ABCC10: variants seen among roughly 807,000 people sequenced by gnomAD.
ABCC10 encodes the protein ATP binding cassette subfamily C member 10, also known as ATP-binding cassette sub-family C member 10.
A neutral mutation model predicts 143.2 loss-of-function variants in ABCC10; 110 were observed. That is an observed-to-expected ratio of 0.77 (90% CI 0.66 to 0.90). The LOEUF is 0.90. ABCC10 is among the 40% of genes least tolerant of loss of function. ABCC10 has a pLI of 0.00. For missense variants in ABCC10, 1,700 were observed against 1,900.5 expected, an observed-to-expected ratio of 0.89 and a Z score of 1.96; for synonymous variants, 805 against 846.7, an observed-to-expected ratio of 0.95 and a Z score of 0.85.
chr6:43,432,671 C>T lies in ABCC10; in HGVS notation c.691C>T (p.Pro231Ser), dbSNP rs139742302. 2.5e-6 allele frequency: 4 copies of T among 1,614,018 alleles called. No individual in the cohort carries two copies. Among genetic ancestry groups the T allele is most frequent in the South Asian group, 1.1e-5 (1 of 91,088 alleles). ...LSRFSYAWLA[P>S]LLARGACGEL... The stretch of plus-strand genomic sequence containing the variant: ...ACGCTTTTCCTATGCCTGGCTGGCA[C>T]CCTTGCTGGCCCGTGGGGCCTGTGG... The change falls in exon 3 of 22, where the codon CCC becomes TCC. Residue 231 changes from proline to serine, a missense_variant. By Grantham distance (74) the Pro-to-Ser change is moderately conservative (BLOSUM62 -1). Transcript: ENST00000372530.
At position 43,434,726 on chromosome 6, in the gene ABCC10, C is replaced by A; in HGVS notation, c.1486C>A (p.Leu496Ile). The A allele has an allele frequency of 1.9e-6, 3 of 1,614,196 alleles. No homozygotes were observed. Among genetic ancestry groups the A allele is most frequent in the Non-Finnish European group, 2.5e-6 (3 of 1,180,030 alleles). The change falls in exon 4 of 22, where the codon CTC (leucine) becomes ATC (isoleucine). Residue 496 changes from leucine to isoleucine, a missense_variant. Physicochemically the swap from Leu to Ile is conservative, Grantham distance 5. Transcript: ENST00000372530. ...CTGCCGGGCTCGAGAGCTGGGGCGACTCCGGGTCATCAAATACCTGGATGC... is the reference window on the plus strand; with the variant it reads ...CTGCCGGGCTCGAGAGCTGGGGCGAATCCGGGTCATCAAATACCTGGATGC... ...EACRARELGR[L>I]RVIKYLDAAC...
chr6:43,444,654 C>T, intron 12 of ABCC10, 134 bp from the exon 13 acceptor site: 1 of 1,291,216 alleles, frequency 7.7e-7, no homozygotes, highest in Non-Finnish European at 1.1e-6. Flanking sequence ...GGGGTAGTGG[C>T]AGGGTGGGGA....
intron 18 of ABCC10, 174 bp downstream of exon 18, chr6:43,448,111 A>G (rs912461107): frequency 2.9e-6 from 3 of 1,018,868 alleles, no homozygotes; most frequent in Non-Finnish European, 4.4e-6. Flanking sequence ...GCCCAGGTCC[A>G]GATTCATGGC....
chr6:43,433,098 G>A lies in ABCC10; in HGVS notation c.1118G>A (p.Ser373Asn), dbSNP rs757500577. 2 of 1,614,132 alleles carry A rather than the reference G, an allele frequency of 1.2e-6. No homozygotes were observed. Among genetic ancestry groups the A allele is most frequent in the Non-Finnish European group, 1.7e-6 (2 of 1,179,992 alleles). ...TGCAAGGCTTTACAGCTGGGGCCCA[G>A]CCGCCCTCCTACTGGGGAGGCCCTG... Reference protein sequence around the residue: ...LYCKALQLGPSRPPTGEALNL... With the variant: ...LYCKALQLGPNRPPTGEALNL... The change falls in exon 3 of 22, where the codon AGC becomes AAC. Residue 373 changes from serine to asparagine, a missense_variant. Coordinates refer to ENST00000372530, the MANE Select transcript of ABCC10 (RefSeq NM_001198934.2).
At chr6:43,441,163 T>C (rs1782413612) in intron 8 of ABCC10, among the ~76,000 whole-genome samples, 1 of 152,060 alleles carries the variant, frequency 6.6e-6, no homozygotes, top group Non-Finnish European at 1.5e-5. Context: ...CAAGATACCT[T>C]ACTACCTTGC....
chr6:43,431,888 G>T, intron 2 of ABCC10: 1 of 1,350,520 alleles, frequency 7.4e-7, no homozygotes, highest in Non-Finnish European at 9.5e-7. Context: ...ATCAGAAATG[G>T]TGTGGGTAGT....
At chr6:43,447,093 G>C in intron 16 of ABCC10, 155 bp from the exon 17 acceptor site, 2 of 1,030,410 alleles carry the variant, frequency 1.9e-6, no homozygotes, top group Non-Finnish European at 2.8e-6. Context: ...TGATCCACCT[G>C]CCTTGGCCTC....
Position 43,432,793 on chromosome 6 carries a change from A to G in ABCC10, c.813A>G (p.Ala271=). Residue 271 remains alanine, a synonymous_variant, in exon 3 of 22, where the codon GCA becomes GCG. Transcript: ENST00000372530. ...TCCAGGCACACTGGCAGGAGGGGGCACGGCTGTGGAGGGCCTTGTATGGGG... is the reference window on the plus strand; with the variant it reads ...TCCAGGCACACTGGCAGGAGGGGGCGCGGCTGTGGAGGGCCTTGTATGGGG... ...RVFQAHWQEG[A]RLWRALYGAF... 1 of 1,614,158 alleles carries G rather than the reference A, an allele frequency of 6.2e-7. No individual in the cohort carries two copies. Among genetic ancestry groups the G allele is most frequent in the Non-Finnish European group, 8.5e-7 (1 of 1,180,016 alleles).
intron 8 of ABCC10, among the ~76,000 whole-genome samples, chr6:43,440,326 A>G (rs1782259088): frequency 6.6e-6 from 1 of 152,208 alleles, no homozygotes; most frequent in African/African-American, 2.4e-5. Flanking sequence ...GGAATGGGCT[A>G]CTAAGCAAAG....
intron 2 of ABCC10, among the ~76,000 whole-genome samples, chr6:43,429,043 A>G (rs963556460): frequency 2.0e-5 from 3 of 152,218 alleles, no homozygotes; most frequent in African/African-American, 7.2e-5. Context: ...GGAAAGCAAG[A>G]AAGACCATCA....
rs75976509 is a variant in ABCC10, at chr6:43,443,197, G to C, written c.2416+38G>C. The C allele has an allele frequency of 7.3e-4, 1,129 of 1,540,118 alleles. 5 individuals carry two copies. In the East Asian group the frequency reaches 0.018, roughly 24 times the overall value. The stretch of plus-strand genomic sequence containing the variant: ...GGAGCCCCGTGTGAGGGAGGTGTCT[G>C]CCCAGGTCTGGCAGGGGATTGTGAA... On this transcript the variant is annotated intron_variant, in intron 10 of 21. Transcript: ENST00000372530. The surrounding 1 kb of genome is among the most constrained non-coding windows in gnomAD (Gnocchi z 4.2).
intron 6 of ABCC10, among the ~76,000 whole-genome samples, chr6:43,436,648 G>C (rs1222490946): frequency 6.6e-6 from 1 of 152,196 alleles, no homozygotes; most frequent in African/African-American, 2.4e-5. Flanking sequence ...GTTTAGGCTG[G>C]TGAAAAGCAA....
intron 6 of ABCC10, 23 bp downstream of exon 6, chr6:43,436,270 G>T (rs752483300): frequency 5.2e-5 from 83 of 1,611,062 alleles, no homozygotes; most frequent in Non-Finnish European, 6.7e-5. Flanking sequence ...GACACCCTGG[G>T]AGAGTCCTCA....
chr6:43,440,990 C>G (rs1782384286), intron 8 of ABCC10, among the ~76,000 whole-genome samples: 1 of 151,752 alleles, frequency 6.6e-6, no homozygotes, highest in Admixed American at 6.6e-5. Context: ...GTAGTCCTAG[C>G]TACTCTGGAG....
chr6:43,444,763 C>T lies in ABCC10; in HGVS notation c.2690-25C>T, dbSNP rs374487426. ...AACAAGGGAGAGGAGCCTCTTACAG[C>T]TTTTTCCTTCCTGTCCCCACCCAGC... On this transcript the variant is annotated intron_variant, in intron 12 of 21. Coordinates refer to ENST00000372530, the MANE Select transcript of ABCC10 (RefSeq NM_001198934.2). 6 of 1,561,044 alleles carry T rather than the reference C, an allele frequency of 3.8e-6. No homozygotes were observed. In the African/African-American group the frequency reaches 6.9e-5, roughly 18 times the overall value.
chr6:43,451,017 G>T, downstream of ABCC10: 1 of 1,614,114 alleles, frequency 6.2e-7, no homozygotes, highest in Non-Finnish European at 8.5e-7. This position sits in a 1 kb window ranked among gnomAD's most constrained non-coding sequence, Gnocchi z 4.4. Flanking sequence ...CCGACAGCGG[G>T]CCCCTCTCTG....
In ABCC10 at chr6:43,432,442, T is replaced by C. The variant is rs748832063; in HGVS notation, c.462T>C (p.His154=). The C allele has an allele frequency of 2.5e-6, 4 of 1,611,936 alleles. No individual in the cohort carries two copies. Among genetic ancestry groups the C allele is most frequent in the Non-Finnish European group, 2.5e-6 (3 of 1,180,026 alleles). The part of the protein sequence containing the change: ...APALVLTVLW[H]CQRGTLLPPL... ...CCCTAGTGCTGACCGTGTTGTGGCA[T>C]TGCCAGCGAGGCACACTTCTGCCCC... The change falls in exon 3 of 22, where the codon CAT becomes CAC. Residue 154 remains histidine, a synonymous_variant. Transcript: ENST00000372530.
At position 43,429,414 on chromosome 6, in the gene ABCC10, G is replaced by GCA. The variant is rs1178193573; in HGVS notation, c.161+1275_161+1276insCA. Among the ~76,000 whole-genome samples, 8 of 4,912 alleles carry GCA rather than the reference G, an allele frequency of 1.6e-3. 1 individual carries two copies. Among genetic ancestry groups the GCA allele is most frequent in the African/African-American group, 6.2e-3 (6 of 966 alleles). 3.2% of individuals were successfully genotyped at this position (4,912 alleles called of 152,430 possible). A position where few individuals can be genotyped will look rare whatever the true frequency, so the allele number is the denominator to read the frequency against. ...TGTGTGTGTGTGTGTGTGTGTGGCG[G>GCA]GGGGGAGGGGGGATTGTTATTGTTG... On this transcript the variant is annotated intron_variant, in intron 2 of 21. Coordinates refer to ENST00000372530, the MANE Select transcript of ABCC10 (RefSeq NM_001198934.2).
chr6:43,446,352 G>A lies in ABCC10; in HGVS notation c.3450G>A (p.Trp1150Ter), dbSNP rs368908677. The change falls in exon 16 of 22, where the codon TGG (tryptophan) becomes TGA (stop). Residue 1150 changes from tryptophan (W) to a stop codon, truncating the protein, a stop_gained. Transcript: ENST00000372530. LOFTEE classifies it high-confidence loss of function. Reference sequence around the variant, plus strand: ...TTGCCACCAGTGCCACAATGCAGTGGCTGGACATTCGGCTACAGCTCATGG... The same window carrying A: ...TTGCCACCAGTGCCACAATGCAGTGACTGGACATTCGGCTACAGCTCATGG... ...CQFATSATMQWLDIRLQLMGA... is the reference protein window; with the variant it reads ...CQFATSATMQ The A allele has an allele frequency of 1.4e-5, 22 of 1,613,766 alleles. No homozygotes were observed. The African/African-American group carries it at 2.7e-4, about 20-fold the overall frequency.
Sources: gnomAD v4.1 joint callset for allele counts (sites outside exome capture counted in the v4.1 genomes callset) on GRCh38, gnomAD v4.1.1 for gene constraint, Gnocchi (gnomAD v3.1) non-coding constraint, MANE v1.5 for transcripts, NCBI Gene and HGNC (gene_info 2026-07-23, HGNC 2026-07-21) for gene names.